Variants in CCL5 observed in about 807,000 individuals in gnomAD.
CCL5 encodes the protein C-C motif chemokine ligand 5.
A neutral mutation model predicts 9.0 loss-of-function variants in CCL5; 5 were observed. The observed-to-expected ratio is 0.55, with a 90% CI of 0.29 to 1.16. The LOEUF is 1.16. Among genes scored for constraint, CCL5 ranks in the 50% most tolerant of loss-of-function variants. The pLI is 0.08. For synonymous variants in CCL5, 66 were observed against 72.0 expected (o/e 0.92, Z 0.42); for missense variants, 183 against 183.2 (o/e 1.00, Z 0.01).
In CCL5 at chr17:35,875,621, C is replaced by G. The variant is rs1157437395; in HGVS notation, c.210G>C (p.Lys70Asn). Residue 70 changes from lysine to asparagine, a missense_variant, in exon 3 of 4, where the codon AAG becomes AAC. Coordinates refer to ENST00000651122, the MANE Select transcript of CCL5 (RefSeq NM_001278736.2). The stretch of plus-strand genomic sequence containing the variant: ...CCTGCCAGACTTGCTGTCCCTCTCT[C>G]TTTGGCATCCTTGACCTGTGGCTAG... 1 of 985,302 alleles carries G rather than the reference C, an allele frequency of 1.0e-6. No homozygotes were observed. The highest frequency in any genetic ancestry group is 1.2e-6 in the Non-Finnish European group (1 of 829,906). The allele number at this position is 985,302 out of a possible 1,614,324, so 61.0% of individuals were successfully genotyped here. A position where few individuals can be genotyped will look rare whatever the true frequency, so the allele number is the denominator to read the frequency against.
In CCL5 at chr17:35,880,276, G is replaced by A. The variant is rs1462895918; in HGVS notation, c.30C>T (p.Val10=). The stretch of plus-strand genomic sequence containing the variant: ...CGCAGAGGGCAGTAGCAATGAGGAT[G>A]ACAGCGAGGGCTGCCGCGGAGACCT... The change falls in exon 1 of 4, where the codon GTC becomes GTT. Residue 10 remains valine (V), a synonymous_variant. Coordinates refer to ENST00000651122, the MANE Select transcript of CCL5 (RefSeq NM_001278736.2). 6.2e-7 allele frequency: 1 copy of A among 1,613,728 alleles called. No homozygotes were observed. The highest frequency in any genetic ancestry group is 1.3e-5 in the African/African-American group (1 of 75,042).
chr17:35,874,157 A>AT (rs1320703493), intron 3 of CCL5, among the ~76,000 whole-genome samples: 2 of 151,862 alleles, frequency 1.3e-5, no homozygotes, highest in African/African-American at 4.8e-5. Flanking sequence ...TTCCTTTAGG[A>AT]TTTTTTCCTG....
chr17:35,874,407 C>T (rs905222813), intron 3 of CCL5, among the ~76,000 whole-genome samples: 1 of 151,976 alleles, frequency 6.6e-6, no homozygotes, highest in South Asian at 2.1e-4. Context: ...GTGATCCTCC[C>T]ACCTTAGCCT....
At chr17:35,879,274 C>T (rs2088482361) in intron 1 of CCL5, among the ~76,000 whole-genome samples, 1 of 152,146 alleles carries the variant, frequency 6.6e-6, no homozygotes, top group African/African-American at 2.4e-5. Flanking sequence ...GTTACTTAAC[C>T]TCTCTGTTTT....
At position 35,872,251 on chromosome 17, in the gene CCL5, G is replaced by T; in HGVS notation, c.*19C>A. On this transcript the variant is annotated 3_prime_UTR_variant, in exon 4 of 4. Coordinates refer to ENST00000651122, the MANE Select transcript of CCL5 (RefSeq NM_001278736.2). ...GGAAGGTTTTTGTAACTGCTGCTGT[G>T]TGGTAGAATCTGGGCCCTTCAAGGA... 6.6e-7 allele frequency: 1 copy of T among 1,504,226 alleles called. No homozygotes were observed. The highest frequency in any genetic ancestry group is 8.9e-7 in the Non-Finnish European group (1 of 1,120,642). The allele number at this position is 1,504,226 out of a possible 1,614,324, so 93.2% of individuals were successfully genotyped here. A position where few individuals can be genotyped will look rare whatever the true frequency, so the allele number is the denominator to read the frequency against.
chr17:35,872,371 T>C lies in CCL5; in HGVS notation c.364A>G (p.Arg122Gly). 3 of 1,613,662 alleles carry C rather than the reference T, an allele frequency of 1.9e-6. No individual in the cohort carries two copies. Among genetic ancestry groups the C allele is most frequent in the Non-Finnish European group, 1.7e-6 (2 of 1,179,850 alleles). The change falls in exon 4 of 4, where the codon AGA becomes GGA. Residue 122 changes from arginine to glycine, a missense_variant. Transcript: ENST00000651122. The stretch of plus-strand genomic sequence containing the variant: ...TGTGTAAGTTCAGGTTCAAGGACTC[T>C]CCATCCTAGCTCATCTCCAAAGAGT...
At chr17:35,879,580 A>AGCCGAG (rs898108840) in intron 1 of CCL5, among the ~76,000 whole-genome samples, 10 of 149,992 alleles carry the variant, frequency 6.7e-5, no homozygotes, top group Middle Eastern at 3.4e-3. Flanking sequence ...GCTTGCAGTA[A>AGCCGAG]GCCGAGATCG....
chr17:35,879,539 G>A (rs1164254302), intron 1 of CCL5, among the ~76,000 whole-genome samples: 1 of 151,414 alleles, frequency 6.6e-6, no homozygotes, highest in Non-Finnish European at 1.5e-5. Context: ...GGAGGCTGAG[G>A]CAGGAGAATG....
At chr17:35,876,844 C>A (rs892921412) in intron 2 of CCL5, among the ~76,000 whole-genome samples, 1 of 152,170 alleles carries the variant, frequency 6.6e-6, no homozygotes, top group Non-Finnish European at 1.5e-5. Flanking sequence ...CTTTTCTCTG[C>A]CAGGCCAAAT....
intron 3 of CCL5, among the ~76,000 whole-genome samples, chr17:35,873,700 C>A (rs561749554): frequency 2.0e-5 from 3 of 152,198 alleles, no homozygotes; most frequent in African/African-American, 7.2e-5. Flanking sequence ...AGAAATAATT[C>A]TTTGCACAAT....
At chr17:35,877,760 TTTCTTCTC>T (rs2088459297) in intron 2 of CCL5, among the ~76,000 whole-genome samples, 2 of 152,248 alleles carry the variant, frequency 1.3e-5, no homozygotes, top group Non-Finnish European at 2.9e-5. Flanking sequence ...CATTTCCTTA[TTTCTTCTC>T]TGATGGATGG....
rs1292018970 is a variant in CCL5 at position 35,880,301 on chromosome 17, T to C, written c.5A>G (p.Lys2Arg). The C allele has an allele frequency of 6.2e-7, 1 of 1,611,742 alleles. No individual in the cohort carries two copies. Among genetic ancestry groups the C allele is most frequent in the African/African-American group, 1.3e-5 (1 of 74,874 alleles). ...GACAGCGAGGGCTGCCGCGGAGACC[T>C]TCATGGTACCTGTGGGAGAGGCTGT... is the stretch of plus-strand genomic sequence containing the variant. Residue 2 changes from lysine (K) to arginine (R), a missense_variant, in exon 1 of 4, where the codon AAG becomes AGG. Lys to Arg is a conservative substitution (Grantham distance 26, BLOSUM62 2). Coordinates refer to ENST00000651122, the MANE Select transcript of CCL5 (RefSeq NM_001278736.2).
In CCL5 at chr17:35,880,217, G is replaced by C; in HGVS notation, c.76+13C>G. Reference sequence around the variant, plus strand: ...TGACTCCAGGGGCTGTGGTGGTCAAGACCAGGACTTACATGGGGAGGCAGA... The same window carrying C: ...TGACTCCAGGGGCTGTGGTGGTCAACACCAGGACTTACATGGGGAGGCAGA... On this transcript the variant is annotated intron_variant, in intron 1 of 3. Transcript: ENST00000651122. 6.2e-7 allele frequency: 1 copy of C among 1,611,996 alleles called. No individual in the cohort carries two copies. The highest frequency in any genetic ancestry group is 8.5e-7 in the Non-Finnish European group (1 of 1,178,340).
At chr17:35,874,826 T>A (rs778444137) in intron 3 of CCL5, among the ~76,000 whole-genome samples, 16 of 152,176 alleles carry the variant, frequency 1.1e-4, no homozygotes, top group Non-Finnish European at 2.1e-4. Context: ...TTGGCCAGGC[T>A]GTTCTTGAAC....
In CCL5 at chr17:35,878,512, T is replaced by C. The variant is rs1370111156; in HGVS notation, c.188+16A>G. On this transcript the variant is annotated intron_variant, in intron 2 of 3. Transcript: ENST00000651122. ...GGGAACAGGCTCTGGGAGGGCTCCATGGGGCTGAGACTCACACGACTGCTG... is the reference window on the plus strand; with the variant it reads ...GGGAACAGGCTCTGGGAGGGCTCCACGGGGCTGAGACTCACACGACTGCTG... 4 of 1,579,498 alleles carry C rather than the reference T, an allele frequency of 2.5e-6. No homozygotes were observed. The highest frequency in any genetic ancestry group is 1.3e-5 in the African/African-American group (1 of 74,080).
Position 35,878,544 on chromosome 17 carries a change from A to T in CCL5, c.172T>A (p.Ser58Thr), listed in dbSNP as rs779234893. The T allele has an allele frequency of 1.2e-6, 2 of 1,613,448 alleles. No individual in the cohort carries two copies. Among genetic ancestry groups the T allele is most frequent in the Non-Finnish European group, 1.7e-6 (2 of 1,179,596 alleles). ...GAGACTCACACGACTGCTGGGTTGGAGCACTTGCCACTGGTGTAGAAATAC... is the reference window on the plus strand; with the variant it reads ...GAGACTCACACGACTGCTGGGTTGGTGCACTTGCCACTGGTGTAGAAATAC... Residue 58 changes from serine to threonine, a missense_variant, in exon 2 of 4, where the codon TCC becomes ACC. Coordinates refer to ENST00000651122, the MANE Select transcript of CCL5 (RefSeq NM_001278736.2).
intron 3 of CCL5, among the ~76,000 whole-genome samples, chr17:35,874,978 G>A (rs1175776224): frequency 6.6e-6 from 1 of 151,666 alleles, no homozygotes; most frequent in Non-Finnish European, 1.5e-5. Flanking sequence ...CATAACAAAG[G>A]AATTATATGT....
chr17:35,872,872 T>C (rs183161893), intron 3 of CCL5, among the ~76,000 whole-genome samples: 207 of 152,028 alleles, frequency 1.4e-3, no homozygotes, highest in South Asian at 2.3e-3. Flanking sequence ...ATTGAATAAG[T>C]GGGAGACAAG....
chr17:35,876,402 T>G (rs1454541837), intron 2 of CCL5, among the ~76,000 whole-genome samples: 1 of 152,200 alleles, frequency 6.6e-6, no homozygotes, highest in African/African-American at 2.4e-5. Context: ...CCTTAGCTCT[T>G]TCCTCTTTAA....
Sources: gnomAD v4.1 joint callset for allele counts (sites outside exome capture counted in the v4.1 genomes callset) on GRCh38, gnomAD v4.1.1 for gene constraint, MANE v1.5 for transcripts, NCBI Gene and HGNC (gene_info 2026-07-23, HGNC 2026-07-21) for gene names.